CDC14B: variants seen among roughly 807,000 people sequenced by gnomAD.
CDC14B encodes the protein cell division cycle 14B, also known as dual specificity protein phosphatase CDC14B.
A neutral mutation model predicts 64.2 loss-of-function variants in CDC14B; 22 were observed. The observed-to-expected ratio is 0.34, with a 90% CI of 0.24 to 0.49. The LOEUF (loss-of-function observed/expected upper bound fraction) is 0.49. Ranked by LOEUF, CDC14B falls within the 20% of genes least tolerant of loss-of-function variation. The probability of loss-of-function intolerance (pLI) is 0.99; values close to 1 mark genes in which losing one functional copy is unlikely to be tolerated. For synonymous variants in CDC14B, 191 were observed against 215.8 expected, an observed-to-expected ratio of 0.89 and a Z score of 1.01; for missense variants, 498 against 629.9, an observed-to-expected ratio of 0.79 and a Z score of 2.24.
intron 7 of CDC14B, among the ~76,000 whole-genome samples, chr9:96,538,124 A>G (rs1839543807): frequency 6.6e-6 from 1 of 152,228 alleles, no homozygotes; most frequent in Non-Finnish European, 1.5e-5. Flanking sequence ...GATATTTTCC[A>G]GAGATAATTA....
At chr9:96,563,901 T>C (rs537534753) in intron 3 of CDC14B, among the ~76,000 whole-genome samples, 112 of 152,268 alleles carry the variant, frequency 7.4e-4, no homozygotes, top group African/African-American at 2.4e-3. Context: ...CCATAAATAG[T>C]TATATTCCTA....
chr9:96,528,144 T>A (rs576926759), intron 9 of CDC14B, among the ~76,000 whole-genome samples: 1 of 152,374 alleles, frequency 6.6e-6, no homozygotes, highest in East Asian at 1.9e-4. Context: ...TATTCTGTTG[T>A]ATGATATAGC....
At chr9:96,568,628 A>G (rs1564359847) in intron 1 of CDC14B, among the ~76,000 whole-genome samples, 1 of 152,332 alleles carries the variant, frequency 6.6e-6, no homozygotes, top group East Asian at 1.9e-4. Flanking sequence ...CTGAAAACTG[A>G]AAACTAGACA....
intron 1 of CDC14B, among the ~76,000 whole-genome samples, chr9:96,588,086 T>C (rs1224583003): frequency 6.6e-6 from 1 of 152,028 alleles, no homozygotes; most frequent in Non-Finnish European, 1.5e-5. Flanking sequence ...CCTTCAAAGC[T>C]TTGCTTCTTG....
At chr9:96,600,257 T>TA (rs59632544) in intron 1 of CDC14B, among the ~76,000 whole-genome samples, 4 of 150,392 alleles carry the variant, frequency 2.7e-5, no homozygotes, top group Non-Finnish European at 5.9e-5. Flanking sequence ...TATATATATA[T>TA]TTTATGCAAA....
chr9:96,561,687 C>T (rs965691074), intron 4 of CDC14B, among the ~76,000 whole-genome samples: 1 of 151,570 alleles, frequency 6.6e-6, no homozygotes, highest in Non-Finnish European at 1.5e-5. Context: ...CAGGGTTTCA[C>T]CATGTTAACC....
chr9:96,599,101 C>T (rs1232219615), intron 1 of CDC14B, among the ~76,000 whole-genome samples: 4 of 152,184 alleles, frequency 2.6e-5, no homozygotes, highest in South Asian at 2.1e-4. Flanking sequence ...TACTTAGAGC[C>T]GGGTGTGGTG....
chr9:96,545,726 T>G, intron 5 of CDC14B, among the ~76,000 whole-genome samples: 1 of 146,826 alleles, frequency 6.8e-6, no homozygotes, highest in East Asian at 1.9e-4. Context: ...TTTTTTTTTT[T>G]GAGAACCTAC....
chr9:96,618,769 C>G (rs1188141880), intron 1 of CDC14B: 1 of 359,980 alleles, frequency 2.8e-6, no homozygotes, highest in Non-Finnish European at 5.3e-6. Context: ...GGGGCAGCTC[C>G]CGTGCCAGGC....
Position 96,592,269 on chromosome 9 carries a change from G to A in CDC14B, c.161-26786C>T, listed in dbSNP as rs141064737. ...ATTGTTGTATTTTTTGTAGAGACAC[G>A]GTCTCACTATGTTGCCCAGGCTGGT... On this transcript the variant is annotated intron_variant, in intron 1 of 13. Coordinates refer to ENST00000375241, the MANE Select transcript of CDC14B (RefSeq NM_033331.4). Among the ~76,000 whole-genome samples the A allele has an allele frequency of 6.1e-3, 920 of 152,004 alleles. 9 individuals are homozygous for A. The highest frequency in any genetic ancestry group is 0.021 in the African/African-American group (852 of 41,474).
At chr9:96,540,955 A>G (rs1276598895) in intron 6 of CDC14B, among the ~76,000 whole-genome samples, 4 of 152,206 alleles carry the variant, frequency 2.6e-5, no homozygotes, top group African/African-American at 9.7e-5. Flanking sequence ...AAAGTATATC[A>G]ATTAGTCTCT....
At chr9:96,518,786 T>G (rs1296528839) in intron 12 of CDC14B, among the ~76,000 whole-genome samples, 1 of 152,172 alleles carries the variant, frequency 6.6e-6, no homozygotes, top group Non-Finnish European at 1.5e-5. Flanking sequence ...GGCCCGAATG[T>G]CCAAGTGTCA....
chr9:96,533,979 T>C lies in CDC14B; in HGVS notation c.894A>G (p.Glu298=). Reference sequence around the variant, plus strand: ...CAGCATTTTCACAGATATCTAGGAATTCTTTGACAATGGCATCAGTAGGGG... The same window carrying C: ...CAGCATTTTCACAGATATCTAGGAACTCTTTGACAATGGCATCAGTAGGGG... ...GSTPTDAIVK[E]FLDICENAEG... Residue 298 remains glutamate (E), a synonymous_variant, in exon 9 of 14, where the codon GAA becomes GAG. Transcript: ENST00000375241. 6.2e-7 allele frequency: 1 copy of C among 1,613,326 alleles called. No individual in the cohort carries two copies. The highest frequency in any genetic ancestry group is 8.5e-7 in the Non-Finnish European group (1 of 1,179,564).
downstream of CDC14B, chr9:96,496,451 AG>A (rs1323203068): frequency 6.9e-6 from 3 of 437,490 alleles, no homozygotes; most frequent in African/African-American, 6.0e-5. Context: ...GTGGACGGCA[AG>A]GACTAGCTTC....
chr9:96,524,619 G>A (rs1231060839), intron 9 of CDC14B, among the ~76,000 whole-genome samples: 5 of 152,064 alleles, frequency 3.3e-5, no homozygotes, highest in Non-Finnish European at 5.9e-5. Flanking sequence ...ATTTAAGTTG[G>A]TGAGCTTTCA....
intron 9 of CDC14B, among the ~76,000 whole-genome samples, chr9:96,533,003 A>G (rs778620440): frequency 7.2e-4 from 109 of 151,866 alleles, no homozygotes; most frequent in Non-Finnish European, 1.4e-3. Flanking sequence ...TGTTCTGTCT[A>G]TTGGCCAGGC....
chr9:96,595,783 G>A (rs536670868), intron 1 of CDC14B, among the ~76,000 whole-genome samples: 37 of 152,298 alleles, frequency 2.4e-4, no homozygotes, highest in African/African-American at 7.2e-4. Flanking sequence ...AAGTAGATTC[G>A]TAGTTGCGCC....
chr9:96,581,132 A>G (rs1845123472), intron 1 of CDC14B, among the ~76,000 whole-genome samples: 1 of 152,146 alleles, frequency 6.6e-6, no homozygotes, highest in Non-Finnish European at 1.5e-5. Context: ...CAGGAGGCTG[A>G]GGCAGGAGAA....
rs372463126 is a variant in CDC14B at position 96,564,845 on chromosome 9, C to T, written c.259G>A (p.Ala87Thr). 62 of 1,593,898 alleles carry T rather than the reference C, an allele frequency of 3.9e-5. No homozygotes were observed. The Middle Eastern group carries it at 6.6e-4, about 17-fold the overall frequency. The change falls in exon 3 of 14, where the codon GCA becomes ACA. Residue 87 changes from alanine (A) to threonine (T), a missense_variant. Physicochemically the swap from Ala to Thr is moderately conservative, Grantham distance 58. Coordinates refer to ENST00000375241, the MANE Select transcript of CDC14B (RefSeq NM_033331.4). ...DNELEYENFY[A>T]DFGPLNLAMV... The stretch of plus-strand genomic sequence containing the variant: ...GCCAGATTGAGTGGTCCAAAATCTG[C>T]GTAGAAGCTTTAAAAATGAAAAATA...
Sources: gnomAD v4.1 joint callset for allele counts (sites outside exome capture counted in the v4.1 genomes callset) on GRCh38, gnomAD v4.1.1 for gene constraint, MANE v1.5 for transcripts, NCBI Gene and HGNC (gene_info 2026-07-23, HGNC 2026-07-21) for gene names.